NBAS: variants seen among roughly 807,000 people sequenced by gnomAD.
NBAS encodes the protein NAG/BC035112 fusion.
NBAS carries 219 observed loss-of-function variants against 302.5 expected under a neutral mutation model. The observed-to-expected ratio is 0.72, with a 90% CI of 0.65 to 0.81. The LOEUF (loss-of-function observed/expected upper bound fraction) is 0.81. Ranked by LOEUF, NBAS falls within the 30% of genes least tolerant of loss-of-function variation. The pLI, the probability that NBAS is intolerant of heterozygous loss-of-function variation, is 0.00. For synonymous variants in NBAS, 1,118 were observed against 1,021.6 expected (o/e 1.09, Z -1.80); for missense variants, 2,932 against 2,841.6 (o/e 1.03, Z -0.72).
the NBAS span, among the ~76,000 whole-genome samples, chr2:15,061,213 C>T: frequency 1.3e-5 from 2 of 152,110 alleles, no homozygotes; most frequent in African/African-American, 2.4e-5. Flanking sequence ...TGTGTGCACA[C>T]ACACATACAT....
At chr2:15,414,484 A>G (rs987473199) in intron 25 of NBAS, among the ~76,000 whole-genome samples, 12 of 152,166 alleles carry the variant, frequency 7.9e-5, no homozygotes, top group Admixed American at 3.3e-4. Context: ...TTGAAACAGT[A>G]TATTTGATCT....
At chr2:14,787,819 G>T in the NBAS span, among the ~76,000 whole-genome samples, 1 of 152,130 alleles carries the variant, frequency 6.6e-6, no homozygotes, top group African/African-American at 2.4e-5. Context: ...CTGTTCTCAA[G>T]GAGTATCTTT....
At chr2:15,447,822 C>T (rs1678822550) in intron 21 of NBAS, among the ~76,000 whole-genome samples, 1 of 152,138 alleles carries the variant, frequency 6.6e-6, no homozygotes, top group African/African-American at 2.4e-5. Context: ...GAACAAAATA[C>T]CTGAGACTGG....
intron 22 of NBAS, 149 bp from the exon 23 acceptor site, chr2:15,424,617 C>T (rs989240737): frequency 2.2e-5 from 19 of 849,876 alleles, no homozygotes; most frequent in South Asian, 5.6e-5. Flanking sequence ...CACATGCACA[C>T]GCACCCTTAC....
At chr2:15,528,525 CAT>C (rs59379908) in intron 9 of NBAS, among the ~76,000 whole-genome samples, 90,819 of 147,422 alleles carry the variant, frequency 0.62, 28,781 homozygotes, top group Non-Finnish European at 0.67. Context: ...CACACACACA[CAT>C]AGAACATGCA....
At position 15,190,379 on chromosome 2, in the gene NBAS, C is replaced by T. The variant is rs1665292806; in HGVS notation, c.6457G>A (p.Glu2153Lys). 2 of 1,613,994 alleles carry T rather than the reference C, an allele frequency of 1.2e-6. No individual in the cohort carries two copies. Residue 2153 changes from glutamate (E) to lysine (K), a missense_variant, in exon 49 of 52, where the codon GAA becomes AAA. Coordinates refer to ENST00000281513, the MANE Select transcript of NBAS (RefSeq NM_015909.4). ...RQVDIADIEN[E>K]ENRYCLFMEL... ...ATGAATAGACAGTAGCGGTTCTCTT[C>T]ATTCTCAATGTCAGCTATGTCTACC...
the NBAS span, among the ~76,000 whole-genome samples, chr2:15,018,038 T>C: frequency 2.4e-4 from 37 of 151,962 alleles, no homozygotes; most frequent in African/African-American, 8.2e-4. Flanking sequence ...AAGCCAGGGA[T>C]AGAAATTTGA....
rs149038853 is a variant in NBAS, at chr2:15,225,764, T to C, written c.6236+6658A>G. 3.9e-5 allele frequency among the ~76,000 whole-genome samples: 6 copies of C among 152,334 alleles called. No homozygotes were observed. The East Asian group carries it at 1.2e-3, about 29-fold the overall frequency. On this transcript the variant is annotated intron_variant, in intron 47 of 51. Transcript: ENST00000281513. Reference sequence around the variant, plus strand: ...GGAATTCTGCATTAATTACCTGTTATCTGAGTGAATTTAATGCTATAAATC... The same window carrying C: ...GGAATTCTGCATTAATTACCTGTTACCTGAGTGAATTTAATGCTATAAATC...
At chr2:14,986,375 G>A in the NBAS span, among the ~76,000 whole-genome samples, 6 of 151,974 alleles carry the variant, frequency 3.9e-5, no homozygotes, top group South Asian at 2.1e-4. Context: ...TAACACTACC[G>A]AGTATAAGGT....
intron 44 of NBAS, among the ~76,000 whole-genome samples, chr2:15,246,947 C>T (rs1034541965): frequency 6.6e-6 from 1 of 152,164 alleles, no homozygotes; most frequent in Non-Finnish European, 1.5e-5. Context: ...GCCATGGAAG[C>T]CCTCAGAAGG....
chr2:15,413,900 T>C (rs1409959284), intron 25 of NBAS, among the ~76,000 whole-genome samples: 2 of 152,234 alleles, frequency 1.3e-5, no homozygotes, highest in African/African-American at 4.8e-5. Context: ...TGGCTGTATG[T>C]TTTGTTCAAA....
chr2:15,461,709 A>G lies in NBAS; in HGVS notation c.2180T>C (p.Leu727Pro). The change falls in exon 20 of 52, where the codon CTC (leucine) becomes CCC (proline). Residue 727 changes from leucine to proline, a missense_variant. Leu to Pro is a moderately conservative substitution (Grantham distance 98). Coordinates refer to ENST00000281513, the MANE Select transcript of NBAS (RefSeq NM_015909.4). Reference protein sequence around the residue: ...FKKFRNQNIVLSARTYAQESN... With the variant: ...FKKFRNQNIVPSARTYAQESN... ...TACCTGAGCATAAGTTCTTGCTGAG[A>G]GAACAATATTCTGATTTCTGAATTT... is the stretch of plus-strand genomic sequence containing the variant. 6 of 1,598,804 alleles carry G rather than the reference A, an allele frequency of 3.8e-6. No individual in the cohort carries two copies. Among genetic ancestry groups the G allele is most frequent in the Non-Finnish European group, 5.1e-6 (6 of 1,167,480 alleles).
At chr2:15,096,010 C>T in the NBAS span, among the ~76,000 whole-genome samples, 6 of 152,320 alleles carry the variant, frequency 3.9e-5, no homozygotes, top group Admixed American at 6.5e-5. Flanking sequence ...AAGCTCCCTT[C>T]GGGAACTCCT....
intron 43 of NBAS, 134 bp downstream of exon 43, chr2:15,276,717 A>T (rs146270900): frequency 3.1e-6 from 4 of 1,309,710 alleles, no homozygotes; most frequent in Non-Finnish European, 4.3e-6. Context: ...GATAATAACT[A>T]AAGTCGATTA....
chr2:15,525,024 C>A (rs1000747041), intron 9 of NBAS, among the ~76,000 whole-genome samples: 25 of 152,124 alleles, frequency 1.6e-4, no homozygotes, highest in African/African-American at 6.0e-4. Flanking sequence ...AACTTCACTG[C>A]AAAAACACAA....
At position 15,179,090 on chromosome 2, in the gene NBAS, C is replaced by G. The variant is rs1042619416; in HGVS notation, c.6738G>C (p.Leu2246=). 2.5e-6 allele frequency: 4 copies of G among 1,614,064 alleles called. No individual in the cohort carries two copies. The African/African-American group carries it at 5.3e-5, about 22-fold the overall frequency. The part of the protein sequence containing the change: ...AEGVKELCLL[L]LNQSLLLPSL... ...ATGGAAGCAGGAGGGACTGGTTAAG[C>G]AGCAGCAGACACAGCTCCTTCACAC... Residue 2246 remains leucine, a synonymous_variant, in exon 51 of 52, where the codon CTG becomes CTC. Transcript: ENST00000281513.
the NBAS span, among the ~76,000 whole-genome samples, chr2:15,004,750 C>T: frequency 6.8e-6 from 1 of 146,936 alleles, no homozygotes; most frequent in African/African-American, 2.5e-5. Flanking sequence ...CTCAAGCGAT[C>T]CACCCCCCCT....
chr2:15,281,688 A>G (rs891928552), intron 42 of NBAS, among the ~76,000 whole-genome samples: 1 of 152,216 alleles, frequency 6.6e-6, no homozygotes, highest in Non-Finnish European at 1.5e-5. Context: ...TCTATCAATA[A>G]TATTCTACAA....
chr2:15,443,992 T>G (rs369348491), intron 21 of NBAS, among the ~76,000 whole-genome samples: 24 of 151,166 alleles, frequency 1.6e-4, no homozygotes, highest in South Asian at 6.3e-4. Context: ...CACTGCTCAA[T>G]GAAATAAAAG....
Sources: allele counts gnomAD v4.1 joint callset (sites outside exome capture counted in the v4.1 genomes callset), GRCh38; gene constraint gnomAD v4.1.1; transcripts MANE v1.5; gene names NCBI Gene and HGNC (gene_info 2026-07-23, HGNC 2026-07-21).